Variants in MTURN observed in about 807,000 individuals in gnomAD.
The protein encoded by MTURN is maturin.
MTURN carries 7 observed loss-of-function variants against 14.9 expected under a neutral mutation model. The observed-to-expected ratio is 0.47, with a 90% CI of 0.27 to 0.88. MTURN has a LOEUF of 0.88. MTURN is among the 40% of genes least tolerant of loss of function. The pLI, the probability that MTURN is intolerant of heterozygous loss-of-function variation, is 0.14. For synonymous variants in MTURN, 69 were observed against 72.5 expected (o/e 0.95, Z 0.25); for missense variants, 151 against 174.1 (o/e 0.87, Z 0.75).
chr7:30,152,827 C>T lies in MTURN; in HGVS notation c.286-4611C>T, dbSNP rs540916812. ...GTCGGCCCTACAGATAACAGATACT[C>T]TCTTGGGTCTGAGGAACTGAATTCT... On this transcript the variant is annotated intron_variant, in intron 2 of 2. Coordinates refer to ENST00000324453, the MANE Select transcript of MTURN (RefSeq NM_152793.3). 4.0e-4 allele frequency among the ~76,000 whole-genome samples: 61 copies of T among 152,282 alleles called. 1 individual carries two copies. In the South Asian group the frequency reaches 6.8e-3, roughly 17 times the overall value.
intron 1 of MTURN, among the ~76,000 whole-genome samples, chr7:30,142,848 C>G (rs1192812862): frequency 6.6e-6 from 1 of 152,222 alleles, no homozygotes; most frequent in Non-Finnish European, 1.5e-5. Context: ...TACCCAGATT[C>G]ATGTTTGCCA....
chr7:30,147,046 T>C (rs1287400013), intron 2 of MTURN, among the ~76,000 whole-genome samples: 1 of 152,262 alleles, frequency 6.6e-6, no homozygotes, highest in African/African-American at 2.4e-5. Context: ...AGAATTTCTA[T>C]TTATTTTTCA....
rs1797380626 is a variant in MTURN at position 30,161,955 on chromosome 7, T to A, written c.*4407T>A. The A allele has an allele frequency of 6.6e-6, 1 of 152,014 alleles. No homozygotes were observed. The highest frequency in any genetic ancestry group is 2.4e-5 in the African/African-American group (1 of 41,400). 9.4% of individuals were successfully genotyped at this position (152,014 alleles called of 1,614,324 possible). A position where few individuals can be genotyped will look rare whatever the true frequency, so the allele number is the denominator to read the frequency against. ...GGCAATGGGTGTCCATGGTAAAATA[T>A]CTATAGCTTCTGCTCACTGGGCAAA... On this transcript the variant is annotated 3_prime_UTR_variant, in exon 3 of 3. Coordinates refer to ENST00000324453, the MANE Select transcript of MTURN (RefSeq NM_152793.3).
rs546455010 is a variant in MTURN, at chr7:30,136,281, A to G, written c.162+983A>G. On this transcript the variant is annotated intron_variant, in intron 1 of 2. Coordinates refer to ENST00000324453, the MANE Select transcript of MTURN (RefSeq NM_152793.3). ...GGATCCCGACTCTGGCAGTTGAGGA[A>G]GGGGATGCGGAGGGCAGGGGAGTCG... 3.3e-4 allele frequency among the ~76,000 whole-genome samples: 49 copies of G among 149,990 alleles called. 1 individual carries two copies. In the East Asian group the frequency reaches 9.0e-3, roughly 28 times the overall value.
chr7:30,147,315 C>T (rs980036247), intron 2 of MTURN, among the ~76,000 whole-genome samples: 2 of 152,200 alleles, frequency 1.3e-5, no homozygotes, highest in Non-Finnish European at 2.9e-5. Context: ...ATGACAGTAC[C>T]TTACTCCAGA....
chr7:30,135,415 C>T (rs1796930898), intron 1 of MTURN, 117 bp downstream of exon 1: 3 of 774,766 alleles, frequency 3.9e-6, no homozygotes, highest in Middle Eastern at 4.7e-4. Context: ...GGGGCCGTAA[C>T]CCGCGCCCCG....
Position 30,162,598 on chromosome 7 carries a change from G to GA in MTURN, c.*5052dup, listed in dbSNP as rs1164059625. 6.6e-6 allele frequency: 1 copy of GA among 151,726 alleles called. No homozygotes were observed. The highest frequency in any genetic ancestry group is 6.6e-5 in the Admixed American group (1 of 15,170). 9.4% of individuals were successfully genotyped at this position (151,726 alleles called of 1,614,324 possible). On this transcript the variant is annotated 3_prime_UTR_variant, in exon 3 of 3. Coordinates refer to ENST00000324453, the MANE Select transcript of MTURN (RefSeq NM_152793.3). ...AATCTCTTGTAAATTACAAAACTGT[G>GA]AATTGGGTTGCCAAAAACTGTTGCC...
intron 1 of MTURN, 163 bp from the exon 2 acceptor site, chr7:30,146,014 C>T: frequency 6.4e-7 from 1 of 1,553,748 alleles, no homozygotes; most frequent in Non-Finnish European, 8.7e-7. Flanking sequence ...TCTTCCCTTT[C>T]AACGCAAACA....
intron 1 of MTURN, among the ~76,000 whole-genome samples, chr7:30,138,847 G>C (rs555078866): frequency 6.6e-6 from 1 of 152,088 alleles, no homozygotes; most frequent in Non-Finnish European, 1.5e-5. Flanking sequence ...TGTGCCAAGC[G>C]CATTCCTGCC....
At chr7:30,146,082 T>C in intron 1 of MTURN, 95 bp from the exon 2 acceptor site, 2 of 1,599,352 alleles carry the variant, frequency 1.3e-6, no homozygotes, top group Non-Finnish European at 1.7e-6. Flanking sequence ...CAAATTGATG[T>C]TATTAAGAAA....
Position 30,157,468 on chromosome 7 carries a change from G to T in MTURN, c.316G>T (p.Ala106Ser). 1 of 1,604,414 alleles carries T rather than the reference G, an allele frequency of 6.2e-7. No homozygotes were observed. Among genetic ancestry groups the T allele is most frequent in the Non-Finnish European group, 8.5e-7 (1 of 1,176,004 alleles). Residue 106 changes from alanine (A) to serine (S), a missense_variant, in exon 3 of 3, where the codon GCG becomes TCG. By Grantham distance (99) the Ala-to-Ser change is moderately conservative. Coordinates refer to ENST00000324453, the MANE Select transcript of MTURN (RefSeq NM_152793.3). ...LLGLPDADDD[A>S]FEEYSADVEE... Reference sequence around the variant, plus strand: ...GGGGCTTCCGGATGCAGATGACGATGCGTTTGAAGAGTACAGTGCTGACGT... The same window carrying T: ...GGGGCTTCCGGATGCAGATGACGATTCGTTTGAAGAGTACAGTGCTGACGT...
At chr7:30,148,201 A>G (rs1181418616) in intron 2 of MTURN, among the ~76,000 whole-genome samples, 2 of 152,234 alleles carry the variant, frequency 1.3e-5, no homozygotes, top group Non-Finnish European at 2.9e-5. Context: ...AGAAGGTAAC[A>G]TTTGAGGAAA....
chr7:30,145,804 AT>A, intron 1 of MTURN: 1 of 1,512,598 alleles, frequency 6.6e-7, no homozygotes, highest in Non-Finnish European at 8.8e-7. Flanking sequence ...AAAGTTAAGG[AT>A]TTTGAAGGCA....
Position 30,146,161 on chromosome 7 carries a change from G to A in MTURN, c.163-16G>A, listed in dbSNP as rs144442426. On this transcript the variant is annotated splice_polypyrimidine_tract_variant and intron_variant, in intron 1 of 2. Transcript: ENST00000324453. ...TGTGTCTTTGTTTTCTCCTTCCGTC[G>A]CCCGTGGGCACGCAGCACGTGTGGA... 126 of 1,613,350 alleles carry A rather than the reference G, an allele frequency of 7.8e-5. No individual in the cohort carries two copies. The East Asian group carries it at 1.5e-3, about 19-fold the overall frequency.
chr7:30,157,331 C>A, intron 2 of MTURN, 107 bp from the exon 3 acceptor site: 1 of 786,656 alleles, frequency 1.3e-6, no homozygotes, highest in Non-Finnish European at 1.9e-6. Flanking sequence ...AAGTCTGCAG[C>A]TGCTGGGTTA....
At position 30,152,791 on chromosome 7, in the gene MTURN, A is replaced by G. The variant is rs542338458; in HGVS notation, c.286-4647A>G. 6.6e-5 allele frequency among the ~76,000 whole-genome samples: 10 copies of G among 152,308 alleles called. No individual in the cohort carries two copies. The South Asian group carries it at 1.7e-3, about 25-fold the overall frequency. On this transcript the variant is annotated intron_variant, in intron 2 of 2. Coordinates refer to ENST00000324453, the MANE Select transcript of MTURN (RefSeq NM_152793.3). ...CTCACATAGTTTACACTATTATCCA[A>G]AAGACCTGTAGTCGGCCCTACAGAT... is the stretch of plus-strand genomic sequence containing the variant.
intron 1 of MTURN, among the ~76,000 whole-genome samples, chr7:30,136,410 G>C (rs1198636266): frequency 6.6e-6 from 1 of 152,208 alleles, no homozygotes; most frequent in Non-Finnish European, 1.5e-5. Context: ...GGCCGTGGGC[G>C]CGGGTGACCG....
intron 1 of MTURN, among the ~76,000 whole-genome samples, chr7:30,144,072 G>C (rs149120895): frequency 1.2e-4 from 18 of 152,318 alleles, no homozygotes; most frequent in African/African-American, 4.3e-4. Flanking sequence ...GTGGCAGATG[G>C]TAAGCCCACC....
chr7:30,136,654 C>T (rs1192932093), intron 1 of MTURN, among the ~76,000 whole-genome samples: 3 of 152,030 alleles, frequency 2.0e-5, no homozygotes, highest in Non-Finnish European at 4.4e-5. Context: ...CACACGCACC[C>T]CCTGAGGAGG....
Sources: allele counts gnomAD v4.1 joint callset (sites outside exome capture counted in the v4.1 genomes callset), GRCh38; gene constraint gnomAD v4.1.1; transcripts MANE v1.5; gene names NCBI Gene and HGNC (gene_info 2026-07-23, HGNC 2026-07-21).